The following IQCM variants were observed in gnomAD, a reference collection of about 807,000 sequenced individuals.
IQCM encodes IQ domain-containing protein M.
In IQCM, 45 loss-of-function variants were observed where a neutral mutation model predicts 57.6. That is an observed-to-expected ratio of 0.78 (90% CI 0.62 to 1.00). The LOEUF is 1.00. Among genes scored for constraint, IQCM ranks in the 50% least tolerant of loss-of-function variants. The pLI, the probability that IQCM is intolerant of heterozygous loss-of-function variation, is 0.00. For synonymous variants in IQCM, 148 were observed against 158.9 expected (o/e 0.93, Z 0.51); for missense variants, 468 against 511.6 (o/e 0.91, Z 0.82).
At chr4:149,531,191 T>C (rs1185473355) in intron 12 of IQCM, among the ~76,000 whole-genome samples, 1 of 152,156 alleles carries the variant, frequency 6.6e-6, no homozygotes, top group East Asian at 1.9e-4. Flanking sequence ...TGAAGAACTA[T>C]TTGATTCATT....
intron 13 of IQCM, among the ~76,000 whole-genome samples, chr4:149,377,215 GA>G (rs1473281784): frequency 1.3e-5 from 2 of 151,850 alleles, no homozygotes; most frequent in Admixed American, 1.3e-4. Context: ...TTAACATTCT[GA>G]AAAAAAATTA....
At chr4:149,745,726 C>A (rs1435967914) in intron 2 of IQCM, among the ~76,000 whole-genome samples, 1 of 152,178 alleles carries the variant, frequency 6.6e-6, no homozygotes, top group Non-Finnish European at 1.5e-5. Context: ...AATCCCAGAA[C>A]TTTGGGAAGC....
chr4:149,644,325 G>A (rs562828092), intron 7 of IQCM, among the ~76,000 whole-genome samples: 4 of 152,120 alleles, frequency 2.6e-5, no homozygotes, highest in East Asian at 1.9e-4. Context: ...AAGAGCTAAC[G>A]ACTTTCCTAA....
intron 12 of IQCM, among the ~76,000 whole-genome samples, chr4:149,519,970 A>C (rs910869270): frequency 1.7e-4 from 25 of 151,438 alleles, no homozygotes; most frequent in African/African-American, 5.8e-4. Flanking sequence ...ACGCCACTGC[A>C]CTCCAGCCTG....
At chr4:149,517,028 G>A (rs1347152060) in intron 12 of IQCM, among the ~76,000 whole-genome samples, 4 of 147,738 alleles carry the variant, frequency 2.7e-5, no homozygotes, top group Non-Finnish European at 5.9e-5. Context: ...TGTGATTAAG[G>A]TCAATGGGAA....
chr4:149,526,025 A>C (rs2149839936), intron 12 of IQCM, among the ~76,000 whole-genome samples: 1 of 152,086 alleles, frequency 6.6e-6, no homozygotes, highest in Middle Eastern at 3.4e-3. Context: ...ATCATTTCAC[A>C]CTCATCACAT....
intron 8 of IQCM, among the ~76,000 whole-genome samples, chr4:149,613,022 C>A (rs538048700): frequency 1.3e-5 from 2 of 151,750 alleles, no homozygotes; most frequent in African/African-American, 4.8e-5. Flanking sequence ...ACAAAATGAC[C>A]CCCCAAAATT....
chr4:149,780,595 G>T (rs2150007896), intron 2 of IQCM, among the ~76,000 whole-genome samples: 1 of 151,864 alleles, frequency 6.6e-6, no homozygotes, highest in South Asian at 2.1e-4. Context: ...GAGCTACCCT[G>T]AAACTTACTG....
At chr4:149,394,796 G>A (rs1453329970) in intron 13 of IQCM, among the ~76,000 whole-genome samples, 2 of 151,898 alleles carry the variant, frequency 1.3e-5, no homozygotes, top group Non-Finnish European at 2.9e-5. Flanking sequence ...ATTTACTATA[G>A]TTTTGTATAT....
At chr4:149,621,771 T>C (rs556197901) in intron 7 of IQCM, among the ~76,000 whole-genome samples, 1 of 152,330 alleles carries the variant, frequency 6.6e-6, no homozygotes, top group African/African-American at 2.4e-5. Context: ...TTCTGTCTCA[T>C]GGCAGTTGGT....
At chr4:149,635,552 A>T (rs1757646187) in intron 7 of IQCM, among the ~76,000 whole-genome samples, 1 of 152,236 alleles carries the variant, frequency 6.6e-6, no homozygotes, top group Admixed American at 6.5e-5. Context: ...TATTAGAATA[A>T]AAATTCATTT....
chr4:149,618,648 A>C (rs553248733), intron 8 of IQCM, among the ~76,000 whole-genome samples: 3 of 152,252 alleles, frequency 2.0e-5, no homozygotes, highest in African/African-American at 7.2e-5. Context: ...AACAAGAAAA[A>C]AAAATCCCAT....
At chr4:149,720,548 G>C (rs904988797) in intron 5 of IQCM, among the ~76,000 whole-genome samples, 1 of 152,136 alleles carries the variant, frequency 6.6e-6, no homozygotes, top group African/African-American at 2.4e-5. Context: ...AAGAGAAAAA[G>C]TGTAAAGAAG....
At chr4:149,596,488 G>A (rs1350212944) in intron 8 of IQCM, among the ~76,000 whole-genome samples, 1 of 152,020 alleles carries the variant, frequency 6.6e-6, no homozygotes, top group African/African-American at 2.4e-5. Flanking sequence ...CAGTTGAGAG[G>A]TAAACATTGG....
At chr4:149,792,943 G>C (rs566303463) in intron 2 of IQCM, among the ~76,000 whole-genome samples, 2 of 152,182 alleles carry the variant, frequency 1.3e-5, no homozygotes, top group South Asian at 4.2e-4. Flanking sequence ...ATCTCAGCAC[G>C]GGAACAATGT....
chr4:149,399,965 C>T (rs1303359202), intron 13 of IQCM, among the ~76,000 whole-genome samples: 2 of 152,060 alleles, frequency 1.3e-5, no homozygotes, highest in Non-Finnish European at 2.9e-5. Flanking sequence ...CACACATGCA[C>T]ACACATACAC....
chr4:149,443,744 GAA>G (rs1736217801), intron 12 of IQCM, among the ~76,000 whole-genome samples: 2 of 145,840 alleles, frequency 1.4e-5, no homozygotes, highest in African/African-American at 5.1e-5. Flanking sequence ...GAAAGGAAAG[GAA>G]AGGAAGAAAA....
At chr4:149,696,729 C>T (rs968385149) in intron 5 of IQCM, among the ~76,000 whole-genome samples, 1 of 152,098 alleles carries the variant, frequency 6.6e-6, no homozygotes, top group African/African-American at 2.4e-5. Context: ...AGTCAGCTGG[C>T]TTAGACGCAT....
At chr4:149,494,448 T>C (rs757020661) in intron 12 of IQCM, among the ~76,000 whole-genome samples, 1 of 152,090 alleles carries the variant, frequency 6.6e-6, no homozygotes, top group Non-Finnish European at 1.5e-5. Flanking sequence ...ATTGTACTTT[T>C]AATGCCAAAA....
Sources: gnomAD v4.1 joint callset for allele counts (sites outside exome capture counted in the v4.1 genomes callset) on GRCh38, gnomAD v4.1.1 for gene constraint, MANE v1.5 for transcripts, NCBI Gene and HGNC (gene_info 2026-07-23, HGNC 2026-07-21) for gene names.